CA2: variants seen among roughly 807,000 people sequenced by gnomAD.
The protein encoded by CA2 is carbonic anhydrase 2.
In CA2, 23 loss-of-function variants were observed where a neutral mutation model predicts 27.8. The ratio of observed to expected loss-of-function variants is 0.83; its 90% CI spans 0.59 to 1.17. CA2 has a LOEUF of 1.17. Ranked by LOEUF, CA2 falls within the 50% of genes most tolerant of loss-of-function variation. The pLI is 0.00. For synonymous variants in CA2, 99 were observed against 114.9 expected, an observed-to-expected ratio of 0.86 and a Z score of 0.88; for missense variants, 300 against 314.7, an observed-to-expected ratio of 0.95 and a Z score of 0.35.
intron 5 of CA2, 37 bp from the exon 6 acceptor site, chr8:85,477,083 T>G: frequency 6.2e-7 from 1 of 1,610,898 alleles, no homozygotes; most frequent in Admixed American, 1.7e-5. Flanking sequence ...ACTCTGTCAA[T>G]GTGATAGTTT....
At chr8:85,465,173 T>A in intron 1 of CA2, 99 bp from the exon 2 acceptor site, 1 of 936,694 alleles carries the variant, frequency 1.1e-6, no homozygotes, top group Non-Finnish European at 1.7e-6. Context: ...CTTCTAAAAT[T>A]GGAACTGAGC....
chr8:85,474,089 C>T (rs901698437), intron 3 of CA2: 27 of 607,506 alleles, frequency 4.4e-5, no homozygotes, highest in African/African-American at 7.4e-5. Context: ...AAAATGTGTG[C>T]CTTCTGTCAA....
chr8:85,470,306 G>A (rs1294837097), intron 2 of CA2, among the ~76,000 whole-genome samples: 2 of 152,154 alleles, frequency 1.3e-5, no homozygotes, highest in East Asian at 3.8e-4. Context: ...AGGCAAAACA[G>A]TAATGCATGA....
Position 85,475,856 on chromosome 8 carries a change from C to G in CA2, c.503C>G (p.Thr168Arg), listed in dbSNP as rs1166298387. Reference protein sequence around the residue: ...KVVDVLDSIKTKGKSADFTNF... With the variant: ...KVVDVLDSIKRKGKSADFTNF... ...GTTGATGTGCTGGATTCCATTAAAA[C>G]AAAGGTAAATTTGAATTTTCTGCCA... Residue 168 changes from threonine to arginine, a missense_variant, in exon 5 of 7, where the codon ACA becomes AGA. By Grantham distance (71) the Thr-to-Arg change is moderately conservative (BLOSUM62 -1). Around this residue, in one of 3 missense-constraint regions of CA2, gnomAD observed 173 missense variants for 161.0 expected, o/e 1.07. Transcript: ENST00000285379. 9 of 1,613,632 alleles carry G rather than the reference C, an allele frequency of 5.6e-6. No individual in the cohort carries two copies. Among genetic ancestry groups the G allele is most frequent in the Non-Finnish European group, 7.6e-6 (9 of 1,179,726 alleles).
intron 2 of CA2, among the ~76,000 whole-genome samples, chr8:85,467,123 A>G (rs1024024934): frequency 6.6e-6 from 1 of 152,214 alleles, no homozygotes; most frequent in South Asian, 2.1e-4. Flanking sequence ...TTTTTGGAGC[A>G]CTGAAGAAAC....
At chr8:85,475,370 C>CAAA (rs1811779049) in intron 4 of CA2, among the ~76,000 whole-genome samples, 1 of 7,664 alleles carries the variant, frequency 1.3e-4, no homozygotes, top group Non-Finnish European at 2.3e-4. Context: ...GACTCTGACT[C>CAAA]TAAAAAAAAA....
Position 85,464,121 on chromosome 8 carries a change from TGCCGGCGACG to T in CA2, c.34+10_34+19del. 1 of 1,538,998 alleles carries T rather than the reference TGCCGGCGACG, an allele frequency of 6.5e-7. No individual in the cohort carries two copies. The highest frequency in any genetic ancestry group is 1.4e-5 in the African/African-American group (1 of 71,330). ...GGGGTACGGCAAACACAACGGTGAG[TGCCGGCGACG>T]GCCAGCGCGGGGGCGCCCCGATCCC... On this transcript the variant is annotated splice_region_variant and intron_variant, in intron 1 of 6. Coordinates refer to ENST00000285379, the MANE Select transcript of CA2 (RefSeq NM_000067.3).
At chr8:85,464,321 C>T in intron 1 of CA2, 1 of 476,616 alleles carries the variant, frequency 2.1e-6, no homozygotes, top group Non-Finnish European at 3.6e-6. Context: ...CTTGCCCCAG[C>T]TGCGAGGCCA....
chr8:85,479,419 T>A (rs1422309074), intron 6 of CA2, among the ~76,000 whole-genome samples: 1 of 152,216 alleles, frequency 6.6e-6, no homozygotes, highest in East Asian at 1.9e-4. Context: ...CATGTTATAA[T>A]GTATGTGCAT....
At chr8:85,474,554 C>T (rs527590215) in intron 4 of CA2, 138 bp downstream of exon 4, 1 of 739,222 alleles carries the variant, frequency 1.4e-6, no homozygotes, top group Non-Finnish European at 2.4e-6. Flanking sequence ...AGTTTATCTC[C>T]TCCTTTCATA....
chr8:85,473,525 G>T, intron 2 of CA2, 168 bp from the exon 3 acceptor site: 2 of 687,448 alleles, frequency 2.9e-6, no homozygotes, highest in Middle Eastern at 2.5e-4. Context: ...TGAATTTTCA[G>T]AGTAAAATGT....
chr8:85,473,171 G>T (rs932846709), intron 2 of CA2, among the ~76,000 whole-genome samples: 1 of 151,972 alleles, frequency 6.6e-6, no homozygotes, highest in Non-Finnish European at 1.5e-5. Flanking sequence ...TCACAAATTC[G>T]GGTGTCTAAG....
chr8:85,464,019 C>A lies in CA2; in HGVS notation c.-63C>A. On this transcript the variant is annotated 5_prime_UTR_variant, in exon 1 of 7. Transcript: ENST00000285379. Reference sequence around the variant, plus strand: ...GCGACCCGCGGACACACAGTGCAGGCGCCCAAGCCGCCGCCGCCAGATCGG... The same window carrying A: ...GCGACCCGCGGACACACAGTGCAGGAGCCCAAGCCGCCGCCGCCAGATCGG... The A allele has an allele frequency of 2.6e-6, 4 of 1,511,832 alleles. No homozygotes were observed. Among genetic ancestry groups the A allele is most frequent in the South Asian group, 1.2e-5 (1 of 83,254 alleles). The allele number at this position is 1,511,832 out of a possible 1,614,324, so 93.7% of individuals were successfully genotyped here. A position where few individuals can be genotyped will look rare whatever the true frequency, so the allele number is the denominator to read the frequency against.
intron 2 of CA2, among the ~76,000 whole-genome samples, chr8:85,467,723 A>T (rs991480539): frequency 3.9e-5 from 6 of 152,180 alleles, no homozygotes; most frequent in African/African-American, 1.4e-4. Context: ...AATCTGTTAA[A>T]CTTTGACAGA....
chr8:85,471,590 C>G (rs756870380), intron 2 of CA2, among the ~76,000 whole-genome samples: 5 of 152,068 alleles, frequency 3.3e-5, no homozygotes, highest in Non-Finnish European at 7.4e-5. Flanking sequence ...AAAGAAGATA[C>G]ATTTAGAAAA....
At chr8:85,468,268 T>G (rs377233201) in intron 2 of CA2, among the ~76,000 whole-genome samples, 1 of 152,100 alleles carries the variant, frequency 6.6e-6, no homozygotes, top group Non-Finnish European at 1.5e-5. Flanking sequence ...GAGCACAGCA[T>G]GTGCTCCAGA....
chr8:85,480,514 G>GGT (rs1811872988), intron 6 of CA2, among the ~76,000 whole-genome samples, 156 bp from the exon 7 acceptor site: 1 of 151,552 alleles, frequency 6.6e-6, no homozygotes, highest in African/African-American at 2.4e-5. Flanking sequence ...GACCTCAAGT[G>GGT]ATCCACCCGC....
At chr8:85,474,293 A>G in intron 3 of CA2, 31 bp from the exon 4 acceptor site, 1 of 1,460,356 alleles carries the variant, frequency 6.8e-7, no homozygotes. Context: ...TATGTAAATC[A>G]CTCACTGTGG....
chr8:85,480,427 TTG>T (rs1218759940), intron 6 of CA2, among the ~76,000 whole-genome samples: 37 of 142,012 alleles, frequency 2.6e-4, no homozygotes, highest in Non-Finnish European at 5.0e-4. Flanking sequence ...TGTTTAATTT[TTG>T]TGTGTGTGTG....
Sources: allele counts gnomAD v4.1 joint callset (sites outside exome capture counted in the v4.1 genomes callset), GRCh38; gene constraint gnomAD v4.1.1; regional missense constraint gnomAD v4.1.1; transcripts MANE v1.5; gene names NCBI Gene and HGNC (gene_info 2026-07-23, HGNC 2026-07-21).